The following SEZ6L variants were observed in gnomAD, a reference collection of about 807,000 sequenced individuals.
SEZ6L encodes the protein seizure 6-like protein.
A neutral mutation model predicts 106.2 loss-of-function variants in SEZ6L; 37 were observed. That is an observed-to-expected ratio of 0.35 (90% CI 0.27 to 0.46). The LOEUF (loss-of-function observed/expected upper bound fraction) is 0.46, where lower values mean the gene tolerates loss of function less well. Among genes scored for constraint, SEZ6L ranks in the 20% least tolerant of loss-of-function variants. The pLI, the probability that SEZ6L is intolerant of heterozygous loss-of-function variation, is 1.00. For synonymous variants in SEZ6L, 541 were observed against 570.4 expected (o/e 0.95, Z 0.73); for missense variants, 1,172 against 1,332.8 (o/e 0.88, Z 1.88).
At chr22:26,275,442 G>C (rs2080511466) in intron 1 of SEZ6L, among the ~76,000 whole-genome samples, 2 of 152,102 alleles carry the variant, frequency 1.3e-5, no homozygotes, top group South Asian at 4.1e-4. Context: ...ATTTACAGTG[G>C]GTTAGTCAGG....
intron 12 of SEZ6L, among the ~76,000 whole-genome samples, chr22:26,362,627 C>T (rs1047978573): frequency 2.0e-5 from 3 of 152,156 alleles, no homozygotes; most frequent in South Asian, 2.1e-4. Context: ...CATTGCTGGA[C>T]GCATTGCTGG....
intron 1 of SEZ6L, among the ~76,000 whole-genome samples, chr22:26,255,997 T>C (rs1160222711): frequency 1.3e-5 from 2 of 152,104 alleles, no homozygotes; most frequent in African/African-American, 4.8e-5. Context: ...ATGGTTAAGC[T>C]GAAGTTCAAA....
At chr22:26,191,591 TG>T (rs927019587) in intron 1 of SEZ6L, among the ~76,000 whole-genome samples, 3 of 42,892 alleles carry the variant, frequency 7.0e-5, no homozygotes, top group Non-Finnish European at 1.4e-4. Context: ...GTTGGAGGGT[TG>T]GGGGGTGGGA....
At chr22:26,299,349 A>G (rs917887867) in intron 5 of SEZ6L, among the ~76,000 whole-genome samples, 180 bp downstream of exon 5, 19 of 152,156 alleles carry the variant, frequency 1.2e-4, no homozygotes, top group Non-Finnish European at 1.0e-4. Flanking sequence ...CATAATATGA[A>G]ATTTACCATT....
rs2084279152 is a variant in SEZ6L at position 26,377,784 on chromosome 22, G to T, written c.3045+9G>T. On this transcript the variant is annotated intron_variant, in intron 16 of 16. Coordinates refer to ENST00000248933, the MANE Select transcript of SEZ6L (RefSeq NM_021115.5). ...CCATTTACGAGACAGGGGTGAGTTG[G>T]TCTCTCTCGTCTCTTCCCAATTCCC... The T allele has an allele frequency of 1.9e-6, 3 of 1,556,114 alleles. No homozygotes were observed. Among genetic ancestry groups the T allele is most frequent in the African/African-American group, 2.7e-5 (2 of 73,740 alleles).
At chr22:26,346,862 T>C (rs1601566672) in intron 10 of SEZ6L, among the ~76,000 whole-genome samples, 2 of 152,224 alleles carry the variant, frequency 1.3e-5, no homozygotes, top group East Asian at 3.9e-4. Flanking sequence ...AGGGCCACTT[T>C]TGCAACCTCC....
Position 26,292,612 on chromosome 22 carries a change from C to T in SEZ6L, c.301C>T (p.Pro101Ser), listed in dbSNP as rs1437422638. 7 of 1,613,394 alleles carry T rather than the reference C, an allele frequency of 4.3e-6. No homozygotes were observed. The East Asian group carries it at 6.7e-5, about 15-fold the overall frequency. ...ACATCACGACATCCCAGCCCTGTCA[C>T]CGCTGCTTCCAGAGGAGGCCCGCCC... ...SAHHDIPALS[P>S]LLPEEARPKH... The change falls in exon 2 of 17, where the codon CCG becomes TCG. Residue 101 changes from proline (P) to serine (S), a missense_variant. Around this residue, in one of 4 missense-constraint regions of SEZ6L, gnomAD observed 494 missense variants for 445.8 expected, o/e 1.11. Transcript: ENST00000248933.
intron 1 of SEZ6L, among the ~76,000 whole-genome samples, chr22:26,228,248 C>T (rs2078692976): frequency 6.6e-6 from 1 of 152,152 alleles, no homozygotes; most frequent in Non-Finnish European, 1.5e-5. Context: ...GGAGTATTCC[C>T]AGGAAATAAC....
At chr22:26,332,524 G>T (rs1263665541) in intron 9 of SEZ6L, among the ~76,000 whole-genome samples, 1 of 151,406 alleles carries the variant, frequency 6.6e-6, no homozygotes, top group East Asian at 1.9e-4. Flanking sequence ...AAAGCTTACT[G>T]CAGCCTCAAC....
rs76661223 is a variant in SEZ6L, at chr22:26,217,231, T to C, written c.94+47468T>C. Among the ~76,000 whole-genome samples the C allele has an allele frequency of 3.2e-4, 48 of 152,252 alleles. No individual in the cohort carries two copies. In the East Asian group the frequency reaches 9.1e-3, roughly 29 times the overall value. ...CCCCATTCTTCCCTTCCCACCACCA[T>C]AGTGACATTTCCAAACCCAACACTG... is the stretch of plus-strand genomic sequence containing the variant. On this transcript the variant is annotated intron_variant, in intron 1 of 16. Transcript: ENST00000248933.
chr22:26,374,768 A>G (rs2084160916), intron 14 of SEZ6L, among the ~76,000 whole-genome samples: 2 of 152,214 alleles, frequency 1.3e-5, no homozygotes, highest in Admixed American at 1.3e-4. Context: ...GAAGGAATGT[A>G]GGATCCCCCT....
intron 9 of SEZ6L, among the ~76,000 whole-genome samples, chr22:26,340,133 G>A (rs1601545229): frequency 2.0e-5 from 3 of 152,286 alleles, no homozygotes; most frequent in Non-Finnish European, 4.4e-5. Flanking sequence ...CTACTCGGGA[G>A]GCTGAGACAG....
Position 26,324,545 on chromosome 22 carries a change from G to A in SEZ6L, c.2015+10643G>A, listed in dbSNP as rs2082253022. 2.6e-5 allele frequency among the ~76,000 whole-genome samples: 4 copies of A among 152,190 alleles called. No homozygotes were observed. The South Asian group carries it at 6.2e-4, about 24-fold the overall frequency. On this transcript the variant is annotated intron_variant, in intron 9 of 16. Coordinates refer to ENST00000248933, the MANE Select transcript of SEZ6L (RefSeq NM_021115.5). Reference sequence around the variant, plus strand: ...TTTGGACTGTAAGAATTCTACCTGAGAGCCAGGAAAGGAGGAGAGAGATTC... The same window carrying A: ...TTTGGACTGTAAGAATTCTACCTGAAAGCCAGGAAAGGAGGAGAGAGATTC...
At chr22:26,222,682 A>G (rs2078512238) in intron 1 of SEZ6L, among the ~76,000 whole-genome samples, 1 of 152,206 alleles carries the variant, frequency 6.6e-6, no homozygotes. Flanking sequence ...ACCGGGGGGA[A>G]CGCCCACATA....
chr22:26,281,154 T>C (rs1261886292), intron 1 of SEZ6L, among the ~76,000 whole-genome samples: 1 of 143,088 alleles, frequency 7.0e-6, no homozygotes, highest in African/African-American at 2.5e-5. Context: ...ACTCCTGAAT[T>C]AATGGATTAA....
intron 12 of SEZ6L, among the ~76,000 whole-genome samples, chr22:26,360,638 G>A (rs1478430881): frequency 6.6e-6 from 1 of 152,180 alleles, no homozygotes; most frequent in East Asian, 1.9e-4. Flanking sequence ...TGTGTTCTCT[G>A]AAGGGAGCCA....
intron 1 of SEZ6L, among the ~76,000 whole-genome samples, chr22:26,288,225 T>C (rs573208733): frequency 2.6e-5 from 4 of 152,326 alleles, no homozygotes; most frequent in South Asian, 2.1e-4. Flanking sequence ...CTTAGGCACT[T>C]GGAAGACAAA....
intron 1 of SEZ6L, 58 bp from the exon 2 acceptor site, chr22:26,292,348 A>G: frequency 1.4e-6 from 2 of 1,388,526 alleles, no homozygotes; most frequent in Non-Finnish European, 9.9e-7. Context: ...AGAGTCTGAC[A>G]GCAGGTGAAG....
chr22:26,274,168 T>TAAAA (rs1422893295), intron 1 of SEZ6L, among the ~76,000 whole-genome samples: 2 of 152,226 alleles, frequency 1.3e-5, no homozygotes, highest in Non-Finnish European at 1.5e-5. Flanking sequence ...TAAAGTGATC[T>TAAAA]AAGCTTCAGT....
Sources: gnomAD v4.1 joint callset for allele counts (sites outside exome capture counted in the v4.1 genomes callset) on GRCh38, gnomAD v4.1.1 for gene constraint, gnomAD v4.1.1 regional missense constraint, MANE v1.5 for transcripts, NCBI Gene and HGNC (gene_info 2026-07-23, HGNC 2026-07-21) for gene names.